Variants in ARHGAP44 observed in about 807,000 individuals in gnomAD.
ARHGAP44 encodes the protein rho GTPase-activating protein 44.
In ARHGAP44, 43 loss-of-function variants were observed where a neutral mutation model predicts 106.8. That is an observed-to-expected ratio of 0.40 (90% CI 0.32 to 0.52). The LOEUF is 0.52. Among genes scored for constraint, ARHGAP44 ranks in the 20% least tolerant of loss-of-function variants. The probability of loss-of-function intolerance (pLI) is 0.48; values close to 1 mark genes in which losing one functional copy is unlikely to be tolerated. For missense variants in ARHGAP44, 866 were observed against 1,050.5 expected (o/e 0.82, Z 2.43); for synonymous variants, 439 against 410.3 (o/e 1.07, Z -0.85).
Position 12,921,259 on chromosome 17 carries a change from G to C in ARHGAP44, c.464+1428G>C, listed in dbSNP as rs920269813. 2.0e-5 allele frequency among the ~76,000 whole-genome samples: 3 copies of C among 152,000 alleles called. No individual in the cohort carries two copies. The South Asian group carries it at 6.2e-4, about 32-fold the overall frequency. On this transcript the variant is annotated intron_variant, in intron 6 of 20. Transcript: ENST00000379672. Reference sequence around the variant, plus strand: ...TTTTTGTATTTTTAGTATACACAGGGTTCCGCCACGTTGGCCAGGCTGTTC... The same window carrying C: ...TTTTTGTATTTTTAGTATACACAGGCTTCCGCCACGTTGGCCAGGCTGTTC...
At chr17:12,948,428 G>C (rs1167228385) in intron 10 of ARHGAP44, among the ~76,000 whole-genome samples, 1 of 152,156 alleles carries the variant, frequency 6.6e-6, no homozygotes, top group Non-Finnish European at 1.5e-5. Flanking sequence ...CCAGCACTTT[G>C]GGAGGCTGAG....
chr17:12,822,845 A>T (rs937320975), intron 1 of ARHGAP44, among the ~76,000 whole-genome samples: 5 of 152,204 alleles, frequency 3.3e-5, no homozygotes, highest in African/African-American at 1.2e-4. Context: ...AGTTGATCTT[A>T]AAGCCTAAAA....
chr17:12,922,289 G>A (rs1178643554), intron 6 of ARHGAP44, among the ~76,000 whole-genome samples: 5 of 152,204 alleles, frequency 3.3e-5, no homozygotes, highest in Non-Finnish European at 5.9e-5. Context: ...TTATTCTGAT[G>A]CAAATATGAG....
At chr17:12,952,874 C>T (rs1310747189) in intron 13 of ARHGAP44, among the ~76,000 whole-genome samples, 1 of 151,828 alleles carries the variant, frequency 6.6e-6, no homozygotes, top group African/African-American at 2.4e-5. Context: ...GCTATAGGCA[C>T]CCACCACCAC....
chr17:12,801,136 A>T (rs2034080566), intron 1 of ARHGAP44, among the ~76,000 whole-genome samples: 1 of 152,378 alleles, frequency 6.6e-6, no homozygotes, highest in Middle Eastern at 3.4e-3. Flanking sequence ...AAAAGCCTCT[A>T]CAGACTCCTA....
chr17:12,841,670 A>G (rs890250509), intron 1 of ARHGAP44, among the ~76,000 whole-genome samples: 1 of 150,466 alleles, frequency 6.6e-6, no homozygotes, highest in African/African-American at 2.5e-5. Context: ...CACAACCAAA[A>G]CAGTCTTTGG....
chr17:12,825,565 G>A (rs1234630623), intron 1 of ARHGAP44, among the ~76,000 whole-genome samples: 2 of 152,066 alleles, frequency 1.3e-5, no homozygotes, highest in African/African-American at 4.8e-5. Flanking sequence ...TGACGTTGCT[G>A]TCTCAAATCT....
At chr17:12,966,286 G>T (rs2039389713) in intron 16 of ARHGAP44, among the ~76,000 whole-genome samples, 1 of 147,036 alleles carries the variant, frequency 6.8e-6, no homozygotes, top group Non-Finnish European at 1.5e-5. Flanking sequence ...TGGAAAATGT[G>T]ACTCCTATTT....
At chr17:12,972,869 G>A (rs2039565203) in intron 16 of ARHGAP44, among the ~76,000 whole-genome samples, 1 of 151,984 alleles carries the variant, frequency 6.6e-6, no homozygotes, top group East Asian at 2.0e-4. Context: ...CACCATGTTA[G>A]CCAGGATGGT....
intron 16 of ARHGAP44, among the ~76,000 whole-genome samples, chr17:12,962,429 A>C (rs1466182052): frequency 6.6e-6 from 1 of 152,206 alleles, no homozygotes; most frequent in African/African-American, 2.4e-5. Flanking sequence ...AGATCTAAAG[A>C]CCTGGAAACT....
chr17:12,901,330 A>G (rs761691924), intron 3 of ARHGAP44, among the ~76,000 whole-genome samples: 3 of 152,184 alleles, frequency 2.0e-5, no homozygotes, highest in Non-Finnish European at 4.4e-5. Context: ...ATCACGCCTT[A>G]CAGGAGGACA....
chr17:12,977,848 G>A (rs1163662994), intron 18 of ARHGAP44, among the ~76,000 whole-genome samples: 1 of 151,996 alleles, frequency 6.6e-6, no homozygotes, highest in African/African-American at 2.4e-5. Flanking sequence ...GGCCATCCTG[G>A]CCAACATGGT....
chr17:12,950,733 G>C (rs113211142), intron 12 of ARHGAP44, among the ~76,000 whole-genome samples: 4 of 152,290 alleles, frequency 2.6e-5, no homozygotes, highest in African/African-American at 7.2e-5. Flanking sequence ...GGAGATGAAG[G>C]AGGGAGAAGA....
chr17:12,964,061 A>G (rs752833784), intron 16 of ARHGAP44, among the ~76,000 whole-genome samples: 1 of 152,238 alleles, frequency 6.6e-6, no homozygotes, highest in Non-Finnish European at 1.5e-5. Flanking sequence ...TCTGAGCAAC[A>G]AAGTATTAAA....
intron 1 of ARHGAP44, among the ~76,000 whole-genome samples, chr17:12,827,723 A>G (rs2034962008): frequency 6.6e-6 from 1 of 152,116 alleles, no homozygotes; most frequent in Non-Finnish European, 1.5e-5. Flanking sequence ...GCTATATTTT[A>G]TAGTTGGGTT....
intron 1 of ARHGAP44, among the ~76,000 whole-genome samples, chr17:12,795,505 C>T (rs2033891515): frequency 6.6e-6 from 1 of 151,638 alleles, no homozygotes. Flanking sequence ...AGTTTGTCTC[C>T]ATCAAAGTAA....
intron 7 of ARHGAP44, among the ~76,000 whole-genome samples, chr17:12,940,521 AGTTTT>A (rs2038678017): frequency 6.6e-6 from 1 of 152,172 alleles, no homozygotes; most frequent in South Asian, 2.1e-4. Context: ...GATTTTGCCA[AGTTTT>A]GAGTCAGCAA....
chr17:12,842,694 G>A (rs1246546886), intron 1 of ARHGAP44, among the ~76,000 whole-genome samples: 1 of 152,184 alleles, frequency 6.6e-6, no homozygotes, highest in Non-Finnish European at 1.5e-5. Flanking sequence ...CTGCTAGCAT[G>A]TGATGTTGAC....
chr17:12,908,769 C>G (rs998979963), intron 3 of ARHGAP44, 128 bp from the exon 4 acceptor site: 2 of 710,710 alleles, frequency 2.8e-6, no homozygotes, highest in African/African-American at 3.7e-5. Context: ...TATGTTTAAA[C>G]CTATTTTAAA....
Sources: allele counts gnomAD v4.1 joint callset (sites outside exome capture counted in the v4.1 genomes callset), GRCh38; gene constraint gnomAD v4.1.1; transcripts MANE v1.5; gene names NCBI Gene and HGNC (gene_info 2026-07-23, HGNC 2026-07-21).